Variants in MTA3 observed in about 807,000 individuals in gnomAD.
The protein encoded by MTA3 is metastasis-associated protein MTA3.
MTA3 carries 34 observed loss-of-function variants against 83.5 expected under a neutral mutation model. The observed-to-expected ratio is 0.41, with a 90% CI of 0.31 to 0.54. The LOEUF (loss-of-function observed/expected upper bound fraction) is 0.54. Ranked by LOEUF, MTA3 falls within the 20% of genes least tolerant of loss-of-function variation. The pLI, the probability that MTA3 is intolerant of heterozygous loss-of-function variation, is 0.33. For missense variants in MTA3, 761 were observed against 726.4 expected (o/e 1.05, Z -0.55); for synonymous variants, 303 against 252.7 (o/e 1.20, Z -1.89).
intron 8 of MTA3, among the ~76,000 whole-genome samples, chr2:42,673,273 G>C (rs1006514792): frequency 6.6e-6 from 1 of 152,118 alleles, no homozygotes; most frequent in African/African-American, 2.4e-5. Flanking sequence ...GTGATATTCT[G>C]AATGCTGTAA....
intron 2 of MTA3, among the ~76,000 whole-genome samples, chr2:42,577,105 A>AAAATATATATATATATAT (rs1211189566): frequency 1.2e-5 from 1 of 86,920 alleles, no homozygotes; most frequent in African/African-American, 5.4e-5. Flanking sequence ...AAAAAAAAAA[A>AAAATATATATATATATAT]ATATATATAT....
intron 2 of MTA3, among the ~76,000 whole-genome samples, chr2:42,548,257 G>A (rs555669543): frequency 2.6e-5 from 4 of 152,124 alleles, no homozygotes; most frequent in Non-Finnish European, 5.9e-5. Flanking sequence ...TTGAGGTCAG[G>A]AATTCGAGAC....
At chr2:42,517,375 C>T (rs560351297) in intron 2 of MTA3, among the ~76,000 whole-genome samples, 11 of 152,064 alleles carry the variant, frequency 7.2e-5, no homozygotes, top group African/African-American at 1.4e-4. Flanking sequence ...AGGTCAAGAC[C>T]GGCATGGCCA....
chr2:42,609,151 C>G (rs1434624695), intron 3 of MTA3, among the ~76,000 whole-genome samples: 1 of 151,778 alleles, frequency 6.6e-6, no homozygotes, highest in Admixed American at 6.6e-5. Flanking sequence ...CTGCCTCAGC[C>G]TCCCGAGTAG....
intron 14 of MTA3, among the ~76,000 whole-genome samples, chr2:42,713,792 G>A (rs1666817435): frequency 6.6e-6 from 1 of 151,958 alleles, no homozygotes; most frequent in African/African-American, 2.4e-5. Flanking sequence ...AATCTATTTT[G>A]TTGTACCATA....
intron 3 of MTA3, among the ~76,000 whole-genome samples, chr2:42,608,316 C>T (rs1250958659): frequency 6.6e-6 from 1 of 152,196 alleles, no homozygotes; most frequent in Non-Finnish European, 1.5e-5. Context: ...TATCAATCTT[C>T]ACTGGTGAAA....
chr2:42,705,146 C>T (rs758294027), intron 12 of MTA3, among the ~76,000 whole-genome samples: 3 of 152,236 alleles, frequency 2.0e-5, no homozygotes, highest in African/African-American at 4.8e-5. Flanking sequence ...AGTACGATTA[C>T]GTCGATTGAT....
At chr2:42,496,088 T>A (rs1674116686) in intron 2 of MTA3, among the ~76,000 whole-genome samples, 1 of 152,218 alleles carries the variant, frequency 6.6e-6, no homozygotes, top group Admixed American at 6.5e-5. Context: ...AACATTATTG[T>A]AGGGTTTATT....
rs1468609228 is a variant in MTA3 at position 42,671,632 on chromosome 2, TTTA to T, written c.703-10764_703-10762del. 2.0e-5 allele frequency among the ~76,000 whole-genome samples: 3 copies of T among 152,208 alleles called. No individual in the cohort carries two copies. The East Asian group carries it at 5.8e-4, about 29-fold the overall frequency. On this transcript the variant is annotated intron_variant, in intron 8 of 16. Transcript: ENST00000405094. The stretch of plus-strand genomic sequence containing the variant: ...CACATATCTTTTAGTATGTAGTATT[TTTA>T]TTATCATTTGGTTCTAAATATTCAC...
At chr2:42,521,511 C>G (rs1338244314) in intron 2 of MTA3, among the ~76,000 whole-genome samples, 1 of 152,096 alleles carries the variant, frequency 6.6e-6, no homozygotes, top group Non-Finnish European at 1.5e-5. Flanking sequence ...TAACTAATAC[C>G]TCCTAAACCC....
chr2:42,500,313 C>A (rs1412956851), intron 2 of MTA3, among the ~76,000 whole-genome samples: 1 of 152,046 alleles, frequency 6.6e-6, no homozygotes, highest in African/African-American at 2.4e-5. Context: ...GCGGGAGAAT[C>A]TCTTGGACCT....
chr2:42,629,104 G>C (rs898845288), intron 4 of MTA3, among the ~76,000 whole-genome samples: 1 of 152,040 alleles, frequency 6.6e-6, no homozygotes, highest in African/African-American at 2.4e-5. Flanking sequence ...TTTTGAGACG[G>C]AGTCTTGCTC....
At chr2:42,577,135 A>ATATATATATATATATATATATAT (rs1558451263) in intron 2 of MTA3, among the ~76,000 whole-genome samples, 1 of 93,988 alleles carries the variant, frequency 1.1e-5, no homozygotes, top group African/African-American at 4.7e-5. Flanking sequence ...TATATATATA[A>ATATATATATATATATATATATAT]AAATGAACTC....
intron 7 of MTA3, 91 bp from the exon 8 acceptor site, chr2:42,659,672 A>G: frequency 1.1e-6 from 1 of 928,822 alleles, no homozygotes; most frequent in Non-Finnish European, 1.5e-6. Context: ...ACAGTTTTTT[A>G]TTTACTATCC....
At chr2:42,511,411 A>C (rs1674890528) in intron 2 of MTA3, among the ~76,000 whole-genome samples, 1 of 151,676 alleles carries the variant, frequency 6.6e-6, no homozygotes, top group South Asian at 2.1e-4. Context: ...ACATGTTCTC[A>C]CAGGTTGCAA....
intron 2 of MTA3, among the ~76,000 whole-genome samples, chr2:42,525,431 C>G (rs984913540): frequency 7.3e-5 from 11 of 150,832 alleles, no homozygotes; most frequent in African/African-American, 1.7e-4. Context: ...CACTCCTGAG[C>G]TCAGGCAATC....
intron 3 of MTA3, among the ~76,000 whole-genome samples, chr2:42,587,522 A>AT (rs1680486407): frequency 6.6e-6 from 1 of 152,028 alleles, no homozygotes; most frequent in Non-Finnish European, 1.5e-5. Flanking sequence ...TTTCCTTTGC[A>AT]ATATTTTTTT....
intron 4 of MTA3, among the ~76,000 whole-genome samples, chr2:42,615,289 A>G (rs1008419139): frequency 6.0e-5 from 9 of 150,358 alleles, no homozygotes; most frequent in Non-Finnish European, 1.3e-4. Flanking sequence ...TTTACTATGG[A>G]ACACTGTATC....
At chr2:42,704,978 G>T (rs1167533161) in intron 12 of MTA3, among the ~76,000 whole-genome samples, 8 of 152,174 alleles carry the variant, frequency 5.3e-5, no homozygotes, top group Non-Finnish European at 8.8e-5. Context: ...TATCATCTAT[G>T]TTTCCTTCCA....
Sources: gnomAD v4.1 joint callset for allele counts (sites outside exome capture counted in the v4.1 genomes callset) on GRCh38, gnomAD v4.1.1 for gene constraint, MANE v1.5 for transcripts, NCBI Gene and HGNC (gene_info 2026-07-23, HGNC 2026-07-21) for gene names.